The following MARCHF5 variants were observed in gnomAD, a reference collection of about 807,000 sequenced individuals.
MARCHF5 encodes the protein membrane associated ring-CH-type finger 5.
In MARCHF5, 5 loss-of-function variants were observed where a neutral mutation model predicts 36.5. The ratio of observed to expected loss-of-function variants is 0.14; its 90% CI spans 0.07 to 0.29. The LOEUF is 0.29. Among genes scored for constraint, MARCHF5 ranks in the 10% least tolerant of loss-of-function variants. The pLI, the probability that MARCHF5 is intolerant of heterozygous loss-of-function variation, is 1.00. For synonymous variants in MARCHF5, 103 were observed against 109.9 expected, an observed-to-expected ratio of 0.94 and a Z score of 0.39; for missense variants, 179 against 336.3, an observed-to-expected ratio of 0.53 and a Z score of 3.66.
rs1842858714 is a variant in MARCHF5, at chr10:92,291,390, G to GCCGCCGGACTGCGGCCTACT, written c.-98_-79dup. 2 of 1,070,742 alleles carry GCCGCCGGACTGCGGCCTACT rather than the reference G, an allele frequency of 1.9e-6. No individual in the cohort carries two copies. The highest frequency in any genetic ancestry group is 2.8e-6 in the Non-Finnish European group (2 of 718,480). The allele number at this position is 1,070,742 out of a possible 1,614,324, so 66.3% of individuals were successfully genotyped here. ...GAAGCTGGGTGACGGGTTCGCGGCT[G>GCCGCCGGACTGCGGCCTACT]CCGCCGGACTGCGGCCTACTCCGCC... On this transcript the variant is annotated 5_prime_UTR_variant, in exon 1 of 6. The change creates a premature stop within an existing upstream ORF in the 5' untranslated region. Coordinates refer to ENST00000358935, the MANE Select transcript of MARCHF5 (RefSeq NM_017824.5).
chr10:92,302,408 C>T (rs967379344), intron 1 of MARCHF5, among the ~76,000 whole-genome samples: 6 of 151,698 alleles, frequency 4.0e-5, no homozygotes, highest in Admixed American at 3.9e-4. Context: ...AATCCTGAGA[C>T]AAAATAAGCA....
chr10:92,304,417 A>G (rs1290776797), intron 1 of MARCHF5, among the ~76,000 whole-genome samples: 2 of 152,232 alleles, frequency 1.3e-5, no homozygotes, highest in African/African-American at 4.8e-5. Flanking sequence ...GGTTAAGCCT[A>G]TGGGTTCCTT....
Position 92,351,366 on chromosome 10 carries a change from G to A in MARCHF5, c.*159G>A, listed in dbSNP as rs1427591586. ...CACTTAGGGCAGGGGAAATCATCTC[G>A]GTAATCATGGAACCTAAGGATGTGA... On this transcript the variant is annotated 3_prime_UTR_variant, in exon 6 of 6. Coordinates refer to ENST00000358935, the MANE Select transcript of MARCHF5 (RefSeq NM_017824.5). 2 of 494,138 alleles carry A rather than the reference G, an allele frequency of 4.0e-6. No homozygotes were observed. Among genetic ancestry groups the A allele is most frequent in the Non-Finnish European group, 3.6e-6 (1 of 280,742 alleles). 30.6% of individuals were successfully genotyped at this position (494,138 alleles called of 1,614,324 possible). A position where few individuals can be genotyped will look rare whatever the true frequency, so the allele number is the denominator to read the frequency against.
rs922619903 is a variant in MARCHF5 at position 92,337,633 on chromosome 10, AT to A, written c.239-3029del. 3.6e-4 allele frequency among the ~76,000 whole-genome samples: 54 copies of A among 149,604 alleles called. 1 individual carries two copies. The highest frequency in any genetic ancestry group is 7.8e-4 in the African/African-American group (32 of 41,014). On this transcript the variant is annotated intron_variant, in intron 2 of 5. Transcript: ENST00000358935. Reference sequence around the variant, plus strand: ...GGCTCAAGAAAATAATTTGGTTTTAATTTTTTTTTTTAACACTGAAGAAATA... The same window carrying A: ...GGCTCAAGAAAATAATTTGGTTTTAATTTTTTTTTTAACACTGAAGAAATA...
intron 2 of MARCHF5, among the ~76,000 whole-genome samples, chr10:92,333,091 C>T (rs887513772): frequency 3.4e-5 from 5 of 149,126 alleles, no homozygotes; most frequent in Non-Finnish European, 4.4e-5. Flanking sequence ...ACCTGGGAGG[C>T]GGAGGATGCG....
chr10:92,350,102 G>T, intron 5 of MARCHF5: 1 of 374,108 alleles, frequency 2.7e-6, no homozygotes, highest in Non-Finnish European at 4.8e-6. Context: ...TCTTGCCAGT[G>T]GGATTACAGT....
intron 2 of MARCHF5, among the ~76,000 whole-genome samples, chr10:92,312,806 G>T (rs1430068884): frequency 6.6e-6 from 1 of 152,198 alleles, no homozygotes; most frequent in African/African-American, 2.4e-5. Flanking sequence ...GCACTCGAAA[G>T]CAAAGTTGAG....
At chr10:92,322,439 CTTT>C (rs575122002) in intron 2 of MARCHF5, among the ~76,000 whole-genome samples, 4 of 120,444 alleles carry the variant, frequency 3.3e-5, no homozygotes, top group Non-Finnish European at 3.5e-5. Flanking sequence ...TCTTTTTGTC[CTTT>C]TTTTTTTTTT....
At chr10:92,314,757 C>CCG (rs1564946327) in intron 2 of MARCHF5, among the ~76,000 whole-genome samples, 3 of 122,338 alleles carry the variant, frequency 2.5e-5, no homozygotes, top group South Asian at 2.7e-4. Context: ...CGCCCCCCCC[C>CCG]GCCAATAGAG....
At chr10:92,333,218 ATAAT>A (rs1564951419) in intron 2 of MARCHF5, among the ~76,000 whole-genome samples, 2 of 151,526 alleles carry the variant, frequency 1.3e-5, no homozygotes. Context: ...TTGGGACCAT[ATAAT>A]TAATACTTTT....
chr10:92,329,939 G>A (rs923980268), intron 2 of MARCHF5, among the ~76,000 whole-genome samples: 2 of 152,212 alleles, frequency 1.3e-5, no homozygotes. Flanking sequence ...TCCGCCTCCC[G>A]GGTTCAAGCA....
At chr10:92,295,929 G>GC in intron 1 of MARCHF5, among the ~76,000 whole-genome samples, 1 of 151,558 alleles carries the variant, frequency 6.6e-6, no homozygotes, top group East Asian at 1.9e-4. Context: ...CTGCTGGAGG[G>GC]CAGTGGCGCG....
chr10:92,293,717 G>A (rs1842918198), intron 1 of MARCHF5, among the ~76,000 whole-genome samples: 1 of 152,050 alleles, frequency 6.6e-6, no homozygotes, highest in African/African-American at 2.4e-5. Flanking sequence ...GGGAGACGGA[G>A]GTTGCAGTGA....
chr10:92,295,641 G>A (rs1377345154), intron 1 of MARCHF5, among the ~76,000 whole-genome samples: 2 of 151,578 alleles, frequency 1.3e-5, no homozygotes, highest in African/African-American at 2.4e-5. Flanking sequence ...ATCTCCTGAC[G>A]TCGTAATCTG....
chr10:92,317,418 T>G (rs907658814), intron 2 of MARCHF5, among the ~76,000 whole-genome samples: 3 of 152,142 alleles, frequency 2.0e-5, no homozygotes, highest in African/African-American at 7.2e-5. Context: ...TTTCTTTAAC[T>G]TCTCTCAACA....
chr10:92,347,463 CAGATAGAT>C (rs71025396), intron 3 of MARCHF5, among the ~76,000 whole-genome samples: 2,847 of 82,326 alleles, frequency 0.035, 82 homozygotes, highest in African/African-American at 0.064. Flanking sequence ...AACTCCGTCT[CAGATAGAT>C]AGATAGATAG....
At position 92,291,543 on chromosome 10, in the gene MARCHF5, T is replaced by C. The variant is rs528815540; in HGVS notation, c.35+14T>C. On this transcript the variant is annotated intron_variant, in intron 1 of 5. Coordinates refer to ENST00000358935, the MANE Select transcript of MARCHF5 (RefSeq NM_017824.5). ...GATGCTGGACAGGTACGGGCAGCTG[T>C]GGGGGGGACCGGGAGCCGCCGACCC... is the stretch of plus-strand genomic sequence containing the variant. 5 of 1,534,998 alleles carry C rather than the reference T, an allele frequency of 3.3e-6. No individual in the cohort carries two copies. Among genetic ancestry groups the C allele is most frequent in the Middle Eastern group, 1.7e-4 (1 of 5,766 alleles).
intron 1 of MARCHF5, chr10:92,308,577 T>G (rs1843105798): frequency 1.3e-5 from 2 of 152,178 alleles, no homozygotes; most frequent in South Asian, 4.1e-4. Context: ...ATACTGCTAT[T>G]TCAACTGAAA....
chr10:92,303,023 A>G (rs557257472), intron 1 of MARCHF5, among the ~76,000 whole-genome samples: 5 of 152,342 alleles, frequency 3.3e-5, no homozygotes, highest in African/African-American at 1.2e-4. Context: ...CTAAGAATCC[A>G]AAAGAAACAC....
Sources: gnomAD v4.1 joint callset for allele counts (sites outside exome capture counted in the v4.1 genomes callset) on GRCh38, gnomAD v4.1.1 for gene constraint, MANE v1.5 for transcripts, NCBI Gene and HGNC (gene_info 2026-07-23, HGNC 2026-07-21) for gene names.